The following EPHA6 variants were observed in gnomAD, a reference collection of about 807,000 sequenced individuals.
EPHA6 encodes EPH receptor A6.
A neutral mutation model predicts 112.0 loss-of-function variants in EPHA6; 50 were observed. The observed-to-expected ratio is 0.45, with a 90% CI of 0.36 to 0.56. EPHA6 has a LOEUF of 0.56. Among genes scored for constraint, EPHA6 ranks in the 20% least tolerant of loss-of-function variants. EPHA6 has a pLI of 0.00. For missense variants in EPHA6, 1,280 were observed against 1,417.4 expected, an observed-to-expected ratio of 0.90 and a Z score of 1.56; for synonymous variants, 529 against 490.7, an observed-to-expected ratio of 1.08 and a Z score of -1.03.
chr3:97,335,012 G>A (rs1475854505), intron 5 of EPHA6, among the ~76,000 whole-genome samples: 1 of 152,072 alleles, frequency 6.6e-6, no homozygotes, highest in Non-Finnish European at 1.5e-5. Context: ...AGTCAGTTCA[G>A]GCTGTAATAA....
At chr3:97,578,045 T>C (rs1231707265) in intron 11 of EPHA6, among the ~76,000 whole-genome samples, 1 of 152,096 alleles carries the variant, frequency 6.6e-6, no homozygotes, top group East Asian at 1.9e-4. Context: ...ATGAAGTCTG[T>C]TTCAAAATCT....
At chr3:97,246,632 T>G (rs1280428477) in intron 5 of EPHA6, among the ~76,000 whole-genome samples, 4 of 151,648 alleles carry the variant, frequency 2.6e-5, no homozygotes, top group African/African-American at 9.7e-5. Context: ...GATTTTGTTT[T>G]AGATATAAAT....
chr3:96,884,127 C>T (rs997170649), intron 2 of EPHA6, among the ~76,000 whole-genome samples: 10 of 152,084 alleles, frequency 6.6e-5, no homozygotes, highest in African/African-American at 2.2e-4. Context: ...TATGGCCTTA[C>T]AGTGTAGTTT....
At chr3:97,704,587 A>G (rs1373242707) in intron 14 of EPHA6, among the ~76,000 whole-genome samples, 1 of 152,118 alleles carries the variant, frequency 6.6e-6, no homozygotes, top group East Asian at 1.9e-4. Flanking sequence ...TCCATATCCT[A>G]TTGGTTCTCT....
chr3:96,915,621 T>A (rs924525306), intron 2 of EPHA6, among the ~76,000 whole-genome samples: 7 of 152,134 alleles, frequency 4.6e-5, no homozygotes, highest in African/African-American at 1.7e-4. Context: ...CATCAATATC[T>A]GTCAGTGAGT....
intron 3 of EPHA6, among the ~76,000 whole-genome samples, chr3:97,181,899 T>G (rs1009626655): frequency 1.3e-5 from 2 of 152,116 alleles, no homozygotes; most frequent in Admixed American, 1.3e-4. Flanking sequence ...CCAGGGACTG[T>G]CACTGTGCTT....
intron 10 of EPHA6, among the ~76,000 whole-genome samples, chr3:97,514,411 A>G (rs1287292342): frequency 1.3e-5 from 2 of 152,142 alleles, no homozygotes; most frequent in Non-Finnish European, 2.9e-5. Context: ...ATAATTAATG[A>G]TAATCTTCAT....
chr3:96,852,538 G>A (rs1444269398), intron 1 of EPHA6, among the ~76,000 whole-genome samples: 1 of 147,694 alleles, frequency 6.8e-6, no homozygotes, highest in Non-Finnish European at 1.5e-5. Context: ...GGTGTTCTCA[G>A]TTACCTTGGT....
chr3:97,371,698 C>T (rs1292806527), intron 5 of EPHA6, among the ~76,000 whole-genome samples: 7 of 152,186 alleles, frequency 4.6e-5, no homozygotes, highest in Non-Finnish European at 8.8e-5. Flanking sequence ...GTGGGCCAGG[C>T]GGAACAGAGC....
At chr3:96,907,279 T>A (rs552371548) in intron 2 of EPHA6, among the ~76,000 whole-genome samples, 8 of 151,882 alleles carry the variant, frequency 5.3e-5, no homozygotes, top group Non-Finnish European at 1.0e-4. Context: ...TTTATTAATA[T>A]TTATTGTGTT....
At chr3:97,544,700 G>T (rs556328929) in intron 11 of EPHA6, among the ~76,000 whole-genome samples, 1 of 152,088 alleles carries the variant, frequency 6.6e-6, no homozygotes, top group African/African-American at 2.4e-5. Flanking sequence ...GGTAGAATTC[G>T]GCTGTGAATC....
At chr3:97,313,275 T>C (rs7619459) in intron 5 of EPHA6, among the ~76,000 whole-genome samples, 5,178 of 151,674 alleles carry the variant, frequency 0.034, 263 homozygotes, top group African/African-American at 0.11. Flanking sequence ...CCACATTTTC[T>C]TTATCCATTC....
intron 5 of EPHA6, among the ~76,000 whole-genome samples, chr3:97,383,516 A>C (rs2085873950): frequency 6.6e-6 from 1 of 152,102 alleles, no homozygotes; most frequent in Non-Finnish European, 1.5e-5. Context: ...CCAATGGATG[A>C]CATGAAATTT....
At chr3:97,185,743 G>T (rs142222903) in intron 3 of EPHA6, among the ~76,000 whole-genome samples, 4 of 151,900 alleles carry the variant, frequency 2.6e-5, no homozygotes, top group South Asian at 2.1e-4. Context: ...AAATCATGCC[G>T]CTATAAAGAC....
At chr3:97,673,022 A>G (rs2031003710) in intron 14 of EPHA6, among the ~76,000 whole-genome samples, 1 of 152,116 alleles carries the variant, frequency 6.6e-6, no homozygotes, top group African/African-American at 2.4e-5. Flanking sequence ...GAGCCTCTTT[A>G]AAGCCAAATG....
intron 2 of EPHA6, among the ~76,000 whole-genome samples, chr3:96,952,373 A>C (rs2041581805): frequency 6.6e-6 from 1 of 152,094 alleles, no homozygotes; most frequent in Non-Finnish European, 1.5e-5. Context: ...TGGATCGTGA[A>C]GGCTTTACCC....
intron 3 of EPHA6, among the ~76,000 whole-genome samples, chr3:97,013,841 A>T (rs555716542): frequency 6.6e-6 from 1 of 152,278 alleles, no homozygotes; most frequent in South Asian, 2.1e-4. Context: ...TCAAATTATG[A>T]AGCATGTTTT....
intron 13 of EPHA6, among the ~76,000 whole-genome samples, chr3:97,612,181 G>C (rs981793744): frequency 6.6e-5 from 10 of 152,012 alleles, no homozygotes; most frequent in Admixed American, 3.9e-4. Context: ...AATTATTTTA[G>C]AATAATTTAC....
At chr3:96,888,046 C>T (rs2037735191) in intron 2 of EPHA6, among the ~76,000 whole-genome samples, 1 of 152,162 alleles carries the variant, frequency 6.6e-6, no homozygotes. Context: ...AAGGGTTTGA[C>T]TCTTCCCCCA....
Sources: allele counts gnomAD v4.1 joint callset (sites outside exome capture counted in the v4.1 genomes callset), GRCh38; gene constraint gnomAD v4.1.1; transcripts MANE v1.5; gene names NCBI Gene and HGNC (gene_info 2026-07-23, HGNC 2026-07-21).